The following RELN variants were observed in gnomAD, a reference collection of about 807,000 sequenced individuals.
RELN encodes reelin.
RELN carries 108 observed loss-of-function variants against 427.6 expected under a neutral mutation model. The ratio of observed to expected loss-of-function variants is 0.25; its 90% CI spans 0.22 to 0.30. The LOEUF (loss-of-function observed/expected upper bound fraction) is 0.30. RELN is among the 10% of genes least tolerant of loss of function. The pLI, the probability that RELN is intolerant of heterozygous loss-of-function variation, is 1.00. For synonymous variants in RELN, 1,524 were observed against 1,513.4 expected, an observed-to-expected ratio of 1.01 and a Z score of -0.16; for missense variants, 3,715 against 4,302.8, an observed-to-expected ratio of 0.86 and a Z score of 3.82.
chr7:103,776,374 C>G (rs886717465), intron 4 of RELN, among the ~76,000 whole-genome samples, 183 bp downstream of exon 4: 1 of 152,126 alleles, frequency 6.6e-6, no homozygotes, highest in Non-Finnish European at 1.5e-5. Flanking sequence ...TTAGTATCTT[C>G]AAAAGTCTAT....
chr7:103,731,533 A>C (rs998507078), intron 6 of RELN, among the ~76,000 whole-genome samples: 2 of 152,266 alleles, frequency 1.3e-5, no homozygotes, highest in South Asian at 4.1e-4. Context: ...ACTGAGATTT[A>C]GAAATATTAA....
At chr7:103,477,492 A>G (rs1420674167) in intron 64 of RELN, among the ~76,000 whole-genome samples, 1 of 152,232 alleles carries the variant, frequency 6.6e-6, no homozygotes, top group Non-Finnish European at 1.5e-5. Flanking sequence ...TCTTAGAAAT[A>G]TTGGTGAGTG....
At chr7:103,853,079 C>A (rs554679953) in intron 2 of RELN, among the ~76,000 whole-genome samples, 12 of 152,086 alleles carry the variant, frequency 7.9e-5, no homozygotes, top group Non-Finnish European at 1.5e-4. Flanking sequence ...CCCCTTGAGG[C>A]TAAGTGATTA....
chr7:103,768,751 A>G (rs1791490087), intron 4 of RELN, among the ~76,000 whole-genome samples: 1 of 152,188 alleles, frequency 6.6e-6, no homozygotes, highest in South Asian at 2.1e-4. Context: ...AATAATCATG[A>G]CACAACAGAG....
At chr7:103,618,300 T>C (rs2097936057) in intron 20 of RELN, among the ~76,000 whole-genome samples, 1 of 152,236 alleles carries the variant, frequency 6.6e-6, no homozygotes, top group Non-Finnish European at 1.5e-5. Flanking sequence ...GTATTCAATG[T>C]GTGGAGACAC....
At chr7:103,568,038 C>T (rs1830800204) in intron 31 of RELN, among the ~76,000 whole-genome samples, 1 of 152,132 alleles carries the variant, frequency 6.6e-6, no homozygotes, top group Non-Finnish European at 1.5e-5. Flanking sequence ...CTCAAGCGAT[C>T]TGCCTGCCTC....
rs199706829 is a variant in RELN at position 103,689,077 on chromosome 7, C to CT, written c.1144-6817dup. ...TTAGTTTGCAAAATTTAACAAATTA[C>CT]TTTTTTTAAAAAATAAAATGTCTTT... On this transcript the variant is annotated intron_variant, in intron 10 of 64. Transcript: ENST00000428762. 2.6e-3 allele frequency among the ~76,000 whole-genome samples: 390 copies of CT among 152,136 alleles called. 5 individuals carry two copies. The highest frequency in any genetic ancestry group is 8.9e-3 in the African/African-American group (371 of 41,530).
Position 103,495,833 on chromosome 7 carries a change from C to T in RELN, c.9259G>A (p.Gly3087Ser). The T allele has an allele frequency of 6.2e-7, 1 of 1,613,960 alleles. No homozygotes were observed. The highest frequency in any genetic ancestry group is 8.5e-7 in the Non-Finnish European group (1 of 1,179,970). ...PNAVRTAGFC[G>S]NPSFHLYWPN... ...CAATAGAGGTGAAAGGATGGATTGC[C>T]ACAAAATCCTGCTGTCCTTACAGCA... Residue 3087 changes from glycine to serine, a missense_variant, in exon 57 of 65, where the codon GGC (glycine) becomes AGC (serine). Coordinates refer to ENST00000428762, the MANE Select transcript of RELN (RefSeq NM_005045.4).
intron 46 of RELN, among the ~76,000 whole-genome samples, chr7:103,533,449 A>G (rs1030048643): frequency 6.6e-6 from 1 of 152,108 alleles, no homozygotes; most frequent in Non-Finnish European, 1.5e-5. Context: ...GAAACAAGTA[A>G]CTCTGAGACT....
At chr7:103,853,429 C>T (rs1364094334) in intron 2 of RELN, among the ~76,000 whole-genome samples, 4 of 151,936 alleles carry the variant, frequency 2.6e-5, no homozygotes, top group African/African-American at 9.7e-5. Context: ...AAGCATCAAT[C>T]TGAATGAGTA....
rs115116578 is a variant in RELN, at chr7:103,652,611, A to G, written c.1703T>C (p.Met568Thr). 8 of 1,612,952 alleles carry G rather than the reference A, an allele frequency of 5.0e-6. No homozygotes were observed. In the East Asian group the frequency reaches 1.6e-4, roughly 31 times the overall value. The change falls in exon 14 of 65, where the codon ATG becomes ACG. Residue 568 changes from methionine (M) to threonine (T), a missense_variant. Coordinates refer to ENST00000428762, the MANE Select transcript of RELN (RefSeq NM_005045.4). ...FHVLPVLPSTMSHMIQFSINL... is the reference protein window; with the variant it reads ...FHVLPVLPSTTSHMIQFSINL... ...GATGGAAAACTGTATCATGTGAGAC[A>G]TTGTAGAAGGGAGAACAGGCAAGAC... is the stretch of plus-strand genomic sequence containing the variant.
At position 103,561,587 on chromosome 7, in the gene RELN, C is replaced by A. The variant is rs368478306; in HGVS notation, c.5474G>T (p.Arg1825Met). Residue 1825 changes from arginine to methionine, a missense_variant, in exon 36 of 65, where the codon AGG becomes ATG. Arg to Met is a moderately conservative substitution (Grantham distance 91, BLOSUM62 -1). Transcript: ENST00000428762. ...DLWPEVYGAE[R>M]GNLNGETIKS... ...GATGGTTTCACCATTCAGATTCCCC[C>A]TCTCTGCACCATACACTTCAGGCCA... 3 of 1,613,910 alleles carry A rather than the reference C, an allele frequency of 1.9e-6. No individual in the cohort carries two copies. The highest frequency in any genetic ancestry group is 3.3e-5 in the Admixed American group (2 of 60,010).
chr7:103,823,571 T>C (rs1314028717), intron 3 of RELN, among the ~76,000 whole-genome samples: 4 of 152,054 alleles, frequency 2.6e-5, no homozygotes, highest in African/African-American at 7.2e-5. Flanking sequence ...TTGAAAACTT[T>C]AATACTGATT....
intron 2 of RELN, among the ~76,000 whole-genome samples, chr7:103,873,957 A>G (rs1246483539): frequency 7.0e-6 from 1 of 142,154 alleles, no homozygotes; most frequent in South Asian, 2.8e-4. Flanking sequence ...AAAATCCTCA[A>G]TAAAATACTG....
At chr7:103,702,124 G>A (rs1202985006) in intron 8 of RELN, among the ~76,000 whole-genome samples, 1 of 152,196 alleles carries the variant, frequency 6.6e-6, no homozygotes, top group Non-Finnish European at 1.5e-5. Flanking sequence ...AAGCTACTGA[G>A]CAACCCTGAT....
chr7:103,820,075 T>C (rs778676041), intron 3 of RELN, among the ~76,000 whole-genome samples: 1 of 152,004 alleles, frequency 6.6e-6, no homozygotes, highest in African/African-American at 2.4e-5. Context: ...TTTCAATGTA[T>C]CTTTAAAAAA....
At position 103,610,584 on chromosome 7, in the gene RELN, T is replaced by G. The variant is rs1450172332; in HGVS notation, c.3008+111A>C. The G allele has an allele frequency of 1.1e-5, 8 of 731,178 alleles. No individual in the cohort carries two copies. The Admixed American group carries it at 1.5e-4, about 13-fold the overall frequency. The allele number at this position is 731,178 out of a possible 1,614,324, so 45.3% of individuals were successfully genotyped here. A position where few individuals can be genotyped will look rare whatever the true frequency, so the allele number is the denominator to read the frequency against. On this transcript the variant is annotated intron_variant, in intron 22 of 64. Transcript: ENST00000428762. ...AAAAAGAATAAACATCATGCTATTGTGCTTAACTTGCCTTCATATTCAAGT... is the reference window on the plus strand; with the variant it reads ...AAAAAGAATAAACATCATGCTATTGGGCTTAACTTGCCTTCATATTCAAGT...
chr7:103,553,586 G>A (rs777356484), intron 39 of RELN, 23 bp from the exon 40 acceptor site: 3 of 1,612,982 alleles, frequency 1.9e-6, no homozygotes, highest in Non-Finnish European at 8.5e-7. Context: ...AAAACAACCA[G>A]GAATCCATTT....
At chr7:103,756,758 G>GTT (rs10652920) in intron 4 of RELN, among the ~76,000 whole-genome samples, 2 of 151,750 alleles carry the variant, frequency 1.3e-5, no homozygotes, top group Non-Finnish European at 2.9e-5. Context: ...AGTTAGGAAG[G>GTT]TTTAATATAT....
Sources: allele counts gnomAD v4.1 joint callset (sites outside exome capture counted in the v4.1 genomes callset), GRCh38; gene constraint gnomAD v4.1.1; transcripts MANE v1.5; gene names NCBI Gene and HGNC (gene_info 2026-07-23, HGNC 2026-07-21).